BCL2: variants seen among roughly 807,000 people sequenced by gnomAD.
BCL2 encodes the protein BCL2 apoptosis regulator, also known as apoptosis regulator Bcl-2.
A neutral mutation model predicts 14.2 loss-of-function variants in BCL2; 1 was observed. That is an observed-to-expected ratio of 0.07 (90% CI 0.02 to 0.33). BCL2 has a LOEUF of 0.33. Among genes scored for constraint, BCL2 ranks in the 10% least tolerant of loss-of-function variants. The pLI is 0.99. For synonymous variants in BCL2, 151 were observed against 137.2 expected, an observed-to-expected ratio of 1.10 and a Z score of -0.70; for missense variants, 247 against 305.9, an observed-to-expected ratio of 0.81 and a Z score of 1.44.
chr18:63,279,374 A>T (rs976970670), intron 2 of BCL2, among the ~76,000 whole-genome samples: 1 of 152,270 alleles, frequency 6.6e-6, no homozygotes, highest in Admixed American at 6.5e-5. Context: ...AAAAATGGAC[A>T]AGAGACTTGC....
intron 2 of BCL2, among the ~76,000 whole-genome samples, chr18:63,202,909 A>C (rs1765156543): frequency 6.6e-6 from 1 of 152,118 alleles, no homozygotes. Flanking sequence ...ATATAGCTTA[A>C]TTCTTGCCCC....
chr18:63,199,000 TAC>T (rs1453501592), intron 2 of BCL2, among the ~76,000 whole-genome samples: 1 of 15,078 alleles, frequency 6.6e-5, no homozygotes, highest in African/African-American at 2.5e-4. Context: ...CCCACAGACA[TAC>T]ACAGACACAC....
chr18:63,167,018 T>C (rs1242740898), intron 2 of BCL2, among the ~76,000 whole-genome samples: 3 of 152,184 alleles, frequency 2.0e-5, no homozygotes, highest in South Asian at 2.1e-4. Flanking sequence ...CAAATTCTAA[T>C]GTTGCAACAT....
At chr18:63,301,288 A>G (rs1054113644) in intron 2 of BCL2, among the ~76,000 whole-genome samples, 1 of 146,964 alleles carries the variant, frequency 6.8e-6, no homozygotes, top group Non-Finnish European at 1.5e-5. Context: ...AAGTTCTGGA[A>G]ACAGATGTCA....
At chr18:63,146,833 G>A (rs139447424) in intron 2 of BCL2, among the ~76,000 whole-genome samples, 1 of 152,250 alleles carries the variant, frequency 6.6e-6, no homozygotes, top group African/African-American at 2.4e-5. Flanking sequence ...TAAGTTCATG[G>A]TTGATGGAAT....
At chr18:63,228,779 G>A (rs57135973) in intron 2 of BCL2, among the ~76,000 whole-genome samples, 4,304 of 151,544 alleles carry the variant, frequency 0.028, 135 homozygotes, top group East Asian at 0.11. Flanking sequence ...CATGATCTCC[G>A]CTTACTGCAA....
chr18:63,135,672 A>G (rs544299640), intron 2 of BCL2, among the ~76,000 whole-genome samples: 146 of 152,084 alleles, frequency 9.6e-4, no homozygotes, highest in Non-Finnish European at 1.8e-3. Context: ...ACCATCTCCC[A>G]TTGCTTCAGG....
chr18:63,291,578 A>C (rs1912646419), intron 2 of BCL2, among the ~76,000 whole-genome samples: 1 of 152,206 alleles, frequency 6.6e-6, no homozygotes, highest in Non-Finnish European at 1.5e-5. Context: ...TTGCAATTTA[A>C]ACCAAAGTGT....
At chr18:63,190,347 G>A (rs1001682479) in intron 2 of BCL2, among the ~76,000 whole-genome samples, 1 of 152,112 alleles carries the variant, frequency 6.6e-6, no homozygotes, top group African/African-American at 2.4e-5. Flanking sequence ...TGTGATTTGC[G>A]AATACAAATG....
chr18:63,141,825 A>C (rs1000077846), intron 2 of BCL2, among the ~76,000 whole-genome samples: 1 of 152,224 alleles, frequency 6.6e-6, no homozygotes, highest in African/African-American at 2.4e-5. Context: ...GCGACAGGCA[A>C]ATATGCTCTA....
chr18:63,129,965 T>C (rs887008377), intron 2 of BCL2, among the ~76,000 whole-genome samples: 1 of 152,216 alleles, frequency 6.6e-6, no homozygotes, highest in African/African-American at 2.4e-5. Context: ...GGTGTGTCAC[T>C]GGATGTGCAG....
intron 2 of BCL2, among the ~76,000 whole-genome samples, chr18:63,143,535 C>G (rs919949016): frequency 1.3e-5 from 2 of 152,242 alleles, no homozygotes; most frequent in Admixed American, 6.5e-5. Context: ...TGTCACTTCC[C>G]GTCAAACGCT....
At chr18:63,172,836 A>G (rs1397783123) in intron 2 of BCL2, among the ~76,000 whole-genome samples, 1 of 152,154 alleles carries the variant, frequency 6.6e-6, no homozygotes, top group African/African-American at 2.4e-5. Context: ...GACCAACTCT[A>G]CCTGAAAATG....
chr18:63,188,100 T>C (rs1915633334), intron 2 of BCL2, among the ~76,000 whole-genome samples: 1 of 152,156 alleles, frequency 6.6e-6, no homozygotes, highest in Non-Finnish European at 1.5e-5. Context: ...TTAATAACAA[T>C]GGTGAGTGGA....
intron 2 of BCL2, among the ~76,000 whole-genome samples, chr18:63,211,372 C>A (rs1218104817): frequency 2.0e-5 from 3 of 152,118 alleles, no homozygotes; most frequent in African/African-American, 7.2e-5. Flanking sequence ...TTATTTCCAT[C>A]TTTCCAAAGA....
intron 2 of BCL2, among the ~76,000 whole-genome samples, chr18:63,213,310 TATG>T (rs1910099271): frequency 6.6e-6 from 1 of 152,306 alleles, no homozygotes; most frequent in South Asian, 2.1e-4. Context: ...TTTTAGTCAA[TATG>T]ATTTGTGTCA....
intron 2 of BCL2, among the ~76,000 whole-genome samples, chr18:63,208,608 G>A (rs1909911327): frequency 6.6e-6 from 1 of 152,102 alleles, no homozygotes; most frequent in Non-Finnish European, 1.5e-5. Flanking sequence ...TGGGGGGAGT[G>A]GGGTACAGTG....
chr18:63,297,552 C>T (rs940929434), intron 2 of BCL2, among the ~76,000 whole-genome samples: 2 of 152,194 alleles, frequency 1.3e-5, no homozygotes, highest in African/African-American at 4.8e-5. Context: ...CACAGAGCAG[C>T]CTTTTCTCAG....
intron 2 of BCL2, among the ~76,000 whole-genome samples, chr18:63,284,599 C>A (rs1912413487): frequency 6.6e-6 from 1 of 152,210 alleles, no homozygotes. Context: ...CAGCTCCCAG[C>A]ACTCGACAGG....
Sources: gnomAD v4.1 joint callset for allele counts (sites outside exome capture counted in the v4.1 genomes callset) on GRCh38, gnomAD v4.1.1 for gene constraint, MANE v1.5 for transcripts, NCBI Gene and HGNC (gene_info 2026-07-23, HGNC 2026-07-21) for gene names.